Variants in MTMR1 observed in about 807,000 individuals in gnomAD.
The protein encoded by MTMR1 is myotubularin related protein 1.
Under a neutral mutation model 51.6 loss-of-function variants are expected in MTMR1, and 17 were observed. That is an observed-to-expected ratio of 0.33 (90% confidence interval 0.23 to 0.49). The LOEUF is 0.49. MTMR1 is among the 20% of genes least tolerant of loss of function. The pLI is 0.99. For missense variants in MTMR1, 386 were observed against 526.9 expected (o/e 0.73, Z 2.62); for synonymous variants, 201 against 205.6 (o/e 0.98, Z 0.19).
At chrX:150,698,052 A>G (rs897238756) in intron 1 of MTMR1, among the ~76,000 whole-genome samples, 4 of 112,004 alleles carry the variant, frequency 3.6e-5, no homozygotes, top group African/African-American at 9.8e-5. Context: ...GCACTTTGGG[A>G]GGCCAAGGCG....
At chrX:150,742,816 CAA>C (rs1159891625) in intron 12 of MTMR1, among the ~76,000 whole-genome samples, 1 of 21,728 alleles carries the variant, frequency 4.6e-5, no homozygotes, top group Non-Finnish European at 8.5e-5. Flanking sequence ...GACTCCATCT[CAA>C]AAAAAAAAAA....
chrX:150,714,090 C>A (rs2041412140), intron 3 of MTMR1, among the ~76,000 whole-genome samples: 1 of 112,254 alleles, frequency 8.9e-6, no homozygotes, highest in Non-Finnish European at 1.9e-5. Flanking sequence ...TGCCCTTTAC[C>A]AGTTTTCTGT....
At chrX:150,758,280 T>A (rs1557417829) in intron 15 of MTMR1, among the ~76,000 whole-genome samples, 1 of 110,986 alleles carries the variant, frequency 9.0e-6, no homozygotes, top group African/African-American at 3.3e-5. Context: ...CACCCAGTCC[T>A]CTGGGATATT....
chrX:150,727,670 A>G lies in MTMR1; in HGVS notation c.448-14A>G. On this transcript the variant is annotated splice_polypyrimidine_tract_variant and intron_variant, in intron 5 of 15. Coordinates refer to ENST00000445323, the MANE Select transcript of MTMR1 (RefSeq NM_001306144.3). The stretch of plus-strand genomic sequence containing the variant: ...CTGACACTAATAGGCATTGATCTTA[A>G]TTTTTGAACCTAGGACCCGCATTTT... The G allele has an allele frequency of 8.4e-7, 1 of 1,183,496 alleles. No individual in the cohort carries two copies. The highest frequency in any genetic ancestry group is 1.1e-6 in the Non-Finnish European group (1 of 871,675).
rs2042149294 is a variant in MTMR1, at chrX:150,732,535, A to C, written c.892-7A>C. ...CTGTACTAATATTTATTGCTTAAAAACACTAGGTGTTGTCATGGATTCATC... is the reference window on the plus strand; with the variant it reads ...CTGTACTAATATTTATTGCTTAAAACCACTAGGTGTTGTCATGGATTCATC... On this transcript the variant is annotated splice_polypyrimidine_tract_variant and splice_region_variant and intron_variant, in intron 9 of 15. Coordinates refer to ENST00000445323, the MANE Select transcript of MTMR1 (RefSeq NM_001306144.3). 1 of 1,194,465 alleles carries C rather than the reference A, an allele frequency of 8.4e-7. No homozygotes were observed. Among genetic ancestry groups the C allele is most frequent in the Non-Finnish European group, 1.1e-6 (1 of 886,624 alleles).
chrX:150,732,284 A>G (rs1240200645), intron 9 of MTMR1, among the ~76,000 whole-genome samples: 1 of 111,614 alleles, frequency 9.0e-6, no homozygotes, highest in Non-Finnish European at 1.9e-5. Flanking sequence ...TTGATTTAGG[A>G]TTTGTTTTTC....
intron 1 of MTMR1, among the ~76,000 whole-genome samples, chrX:150,698,242 C>T (rs782793095): frequency 2.4e-4 from 26 of 109,437 alleles, no homozygotes; most frequent in East Asian, 2.9e-4. Flanking sequence ...TGCAGTGAGC[C>T]GAGATCGCGC....
chrX:150,729,904 A>T (rs782527363), intron 6 of MTMR1, among the ~76,000 whole-genome samples: 1 of 111,488 alleles, frequency 9.0e-6, no homozygotes, highest in South Asian at 3.8e-4. Context: ...CTGTAATCCC[A>T]GCTACTCGGG....
At chrX:150,726,688 G>A (rs994097769) in intron 4 of MTMR1, among the ~76,000 whole-genome samples, 5 of 111,958 alleles carry the variant, frequency 4.5e-5, no homozygotes, top group African/African-American at 9.7e-5. Context: ...AATATGTCAC[G>A]CACTTAATAG....
chrX:150,718,609 T>TCCAGGCTCTAAGGGATGGAAATAAGC lies in MTMR1; in HGVS notation c.277-16_277-15insCCAGGCTCTAAGGGATGGAAATAAGC. 1.5e-6 allele frequency: 1 copy of TCCAGGCTCTAAGGGATGGAAATAAGC among 660,439 alleles called. No individual in the cohort carries two copies. The highest frequency in any genetic ancestry group is 2.0e-6 in the Non-Finnish European group (1 of 495,801). The allele number at this position is 660,439 out of a possible 1,213,427, so 54.4% of individuals were successfully genotyped here. A position where few individuals can be genotyped will look rare whatever the true frequency, so the allele number is the denominator to read the frequency against. On this transcript the variant is annotated splice_polypyrimidine_tract_variant and intron_variant, in intron 3 of 15. Transcript: ENST00000445323. ...CTTTTTTTTTTTTTTTTTTTTTTTT[T>TCCAGGCTCTAAGGGATGGAAATAAGC]TTTTTTTTTTGCCAGGCTCTAAGGG...
At chrX:150,751,910 CTTTTTTTTTT>C (rs35937277) in intron 14 of MTMR1, among the ~76,000 whole-genome samples, 2 of 41,621 alleles carry the variant, frequency 4.8e-5, no homozygotes, top group South Asian at 1.2e-3. Context: ...CTTTTTCTTT[CTTTTTTTTTT>C]TTTTTTTTTT....
chrX:150,752,624 GTTTTTTTTTT>G (rs782406235), intron 14 of MTMR1, among the ~76,000 whole-genome samples: 5 of 57,470 alleles, frequency 8.7e-5, no homozygotes, highest in Admixed American at 6.9e-4. Flanking sequence ...GCTTTATCTT[GTTTTTTTTTT>G]TTTTTTTTTT....
intron 1 of MTMR1, among the ~76,000 whole-genome samples, chrX:150,696,376 A>G (rs1051853188): frequency 2.7e-5 from 3 of 111,279 alleles, no homozygotes; most frequent in East Asian, 2.8e-4. Context: ...CCCTGGGACT[A>G]TGGGGCCTTC....
chrX:150,742,816 C>CAAAAAAAA (rs1159891625), intron 12 of MTMR1, among the ~76,000 whole-genome samples: 22 of 21,387 alleles, frequency 1.0e-3, no homozygotes, highest in Non-Finnish European at 1.6e-3. Context: ...GACTCCATCT[C>CAAAAAAAA]AAAAAAAAAA....
At chrX:150,727,453 G>A (rs1444193247) in intron 5 of MTMR1, 144 bp downstream of exon 5, 19 of 523,831 alleles carry the variant, frequency 3.6e-5, no homozygotes, top group South Asian at 2.1e-4. Flanking sequence ...GCAAACAGAT[G>A]TTTGTATCTT....
intron 15 of MTMR1, among the ~76,000 whole-genome samples, chrX:150,760,471 A>G (rs1797466788): frequency 1.8e-5 from 2 of 111,636 alleles, no homozygotes; most frequent in South Asian, 3.8e-4. Flanking sequence ...GGGGCGTCCT[A>G]TTTCCTTTGG....
At chrX:150,757,448 C>T (rs1557417802) in intron 15 of MTMR1, among the ~76,000 whole-genome samples, 1 of 112,750 alleles carries the variant, frequency 8.9e-6, no homozygotes. Flanking sequence ...TCTGGACCCT[C>T]TGAGTTGGCC....
Position 150,741,530 on chromosome X carries a change from A to G in MTMR1, c.1474-2831A>G, listed in dbSNP as rs782344111. On this transcript the variant is annotated intron_variant, in intron 12 of 15. Coordinates refer to ENST00000445323, the MANE Select transcript of MTMR1 (RefSeq NM_001306144.3). Reference sequence around the variant, plus strand: ...TGTGCTCCCACCATACCCACTGCATACTTGGAAGCCCTTGGAACACTTTAT... The same window carrying G: ...TGTGCTCCCACCATACCCACTGCATGCTTGGAAGCCCTTGGAACACTTTAT... Among the ~76,000 whole-genome samples, 3 of 112,229 alleles carry G rather than the reference A, an allele frequency of 2.7e-5. No homozygotes were observed. In the East Asian group the frequency reaches 8.4e-4, roughly 32 times the overall value.
rs1557416989 is a variant in MTMR1 at position 150,731,500 on chromosome X, A to C, written c.772A>C (p.Lys258Gln). The C allele has an allele frequency of 1.7e-6, 2 of 1,199,516 alleles. No individual in the cohort carries two copies. The highest frequency in any genetic ancestry group is 2.2e-6 in the Non-Finnish European group (2 of 889,618). ...GLPNESWKIS[K>Q]INSNYEFCDT... ...GCCAAATGAGAGTTGGAAAATATCCAAAATAAACAGTAATTATGAGTTCTG... is the reference window on the plus strand; with the variant it reads ...GCCAAATGAGAGTTGGAAAATATCCCAAATAAACAGTAATTATGAGTTCTG... Residue 258 changes from lysine (K) to glutamine (Q), a missense_variant, in exon 9 of 16, where the codon AAA (lysine) becomes CAA (glutamine). Coordinates refer to ENST00000445323, the MANE Select transcript of MTMR1 (RefSeq NM_001306144.3).
Sources: allele counts gnomAD v4.1 joint callset (sites outside exome capture counted in the v4.1 genomes callset), GRCh38; gene constraint gnomAD v4.1.1; transcripts MANE v1.5; gene names NCBI Gene and HGNC (gene_info 2026-07-23, HGNC 2026-07-21).